Variants in ARHGEF18 observed in about 807,000 individuals in gnomAD.
ARHGEF18 encodes Rho/Rac guanine nucleotide exchange factor 18, also known as rho guanine nucleotide exchange factor 18.
Under a neutral mutation model 155.7 loss-of-function variants are expected in ARHGEF18, and 93 were observed. The ratio of observed to expected loss-of-function variants is 0.60; its 90% CI spans 0.50 to 0.71. ARHGEF18 has a LOEUF of 0.71. Among genes scored for constraint, ARHGEF18 ranks in the 30% least tolerant of loss-of-function variants. The probability of loss-of-function intolerance (pLI) is 0.00; values close to 1 mark genes in which losing one functional copy is unlikely to be tolerated. For synonymous variants in ARHGEF18, 742 were observed against 753.1 expected, an observed-to-expected ratio of 0.99 and a Z score of 0.24; for missense variants, 1,593 against 1,816.1, an observed-to-expected ratio of 0.88 and a Z score of 2.23.
chr19:7,408,220 G>T (rs1057297856), intron 10 of ARHGEF18, among the ~76,000 whole-genome samples: 3 of 152,116 alleles, frequency 2.0e-5, no homozygotes, highest in Non-Finnish European at 4.4e-5. Flanking sequence ...TGAAGTTGCA[G>T]TGAGCCGAAA....
At chr19:7,376,398 T>C (rs932958105) in intron 4 of ARHGEF18, among the ~76,000 whole-genome samples, 2 of 152,224 alleles carry the variant, frequency 1.3e-5, no homozygotes, top group Non-Finnish European at 1.5e-5. Context: ...GTGGCTCTGA[T>C]ACCTGGGGCT....
chr19:7,414,524 A>C (rs908722823), intron 10 of ARHGEF18, among the ~76,000 whole-genome samples: 1 of 151,940 alleles, frequency 6.6e-6, no homozygotes, highest in African/African-American at 2.4e-5. Flanking sequence ...AAAATACAAA[A>C]ATTAGGCTGG....
chr19:7,363,276 A>G (rs565738250), intron 2 of ARHGEF18, among the ~76,000 whole-genome samples: 1 of 152,130 alleles, frequency 6.6e-6, no homozygotes, highest in Non-Finnish European at 1.5e-5. Flanking sequence ...GGATGAATGG[A>G]TGACGGATGA....
Position 7,464,713 on chromosome 19 carries a change from G to A in ARHGEF18, c.2904+23G>A, listed in dbSNP as rs763556587. The stretch of plus-strand genomic sequence containing the variant: ...GTGGTACGTGGATATCCATTTGCTC[G>A]GTACAGTCTGAGTCGTCATAAGGAT... On this transcript the variant is annotated intron_variant, in intron 23 of 28. Transcript: ENST00000668164. The A allele has an allele frequency of 1.5e-5, 25 of 1,613,142 alleles. No homozygotes were observed. In the South Asian group the frequency reaches 1.9e-4, roughly 12 times the overall value.
chr19:7,392,107 G>A (rs1971435051), intron 10 of ARHGEF18, among the ~76,000 whole-genome samples: 1 of 151,696 alleles, frequency 6.6e-6, no homozygotes, highest in Admixed American at 6.6e-5. Flanking sequence ...CAGATGTAGT[G>A]GCGGGTGCCT....
intron 10 of ARHGEF18, among the ~76,000 whole-genome samples, chr19:7,431,171 A>C (rs1818448767): frequency 6.6e-6 from 1 of 151,928 alleles, no homozygotes; most frequent in Non-Finnish European, 1.5e-5. Flanking sequence ...AAAAAGATAA[A>C]ATAACAGTAG....
intron 10 of ARHGEF18, among the ~76,000 whole-genome samples, chr19:7,406,061 C>T (rs996503558): frequency 1.3e-5 from 2 of 152,048 alleles, no homozygotes; most frequent in African/African-American, 4.8e-5. Flanking sequence ...AGGAGGTCTT[C>T]AGGAGAACAC....
At chr19:7,375,599 G>A (rs1460036604) in intron 3 of ARHGEF18, 121 bp from the exon 4 acceptor site, 19 of 1,027,310 alleles carry the variant, frequency 1.8e-5, no homozygotes, top group African/African-American at 5.0e-5. Flanking sequence ...TGTGGCTTGC[G>A]CACCCTTCCT....
At chr19:7,461,843 G>GAGT (rs1976285512) in intron 20 of ARHGEF18, among the ~76,000 whole-genome samples, 1 of 152,168 alleles carries the variant, frequency 6.6e-6, no homozygotes, top group African/African-American at 2.4e-5. Context: ...TGTAGAGACA[G>GAGT]AGTCTCATTA....
At position 7,395,058 on chromosome 19, in the gene ARHGEF18, C is replaced by G. The variant is rs945219073; in HGVS notation, c.967+11855C>G. The G allele has an allele frequency of 2.8e-5, 28 of 985,330 alleles. No homozygotes were observed. The highest frequency in any genetic ancestry group is 3.4e-5 in the Non-Finnish European group (28 of 829,938). The allele number at this position is 985,330 out of a possible 1,614,324, so 61.0% of individuals were successfully genotyped here. On this transcript the variant is annotated intron_variant, in intron 10 of 28. Coordinates refer to ENST00000668164, the MANE Select transcript of ARHGEF18 (RefSeq NM_001367823.1). This position sits in a 1 kb window ranked among gnomAD's most constrained non-coding sequence, Gnocchi z 5.0. ...CCCGCCCTCGAGGGCACGCCTCCTT[C>G]CGGGTCACGCCCTCTGCCCCGCCTC...
intron 12 of ARHGEF18, 43 bp from the exon 13 acceptor site, chr19:7,441,869 A>G (rs2287910): frequency 0.37 from 599,019 of 1,612,466 alleles, 115,665 homozygotes; most frequent in East Asian, 0.58. Flanking sequence ...TTGGGGTGGC[A>G]TGGCTCTGGG....
At position 7,440,095 on chromosome 19, in the gene ARHGEF18, G is replaced by C; in HGVS notation, c.968-249G>C. On this transcript the variant is annotated intron_variant, in intron 10 of 28. Coordinates refer to ENST00000668164, the MANE Select transcript of ARHGEF18 (RefSeq NM_001367823.1). The surrounding 1 kb of genome is among the most constrained non-coding windows in gnomAD (Gnocchi z 5.4). The stretch of plus-strand genomic sequence containing the variant: ...GCCGCGCCGGGTCCCGGAGCCCCGG[G>C]CGCGAACATGGGGAATGCGCACTCC... 1 of 1,550,540 alleles carries C rather than the reference G, an allele frequency of 6.4e-7. No individual in the cohort carries two copies. The highest frequency in any genetic ancestry group is 8.7e-7 in the Non-Finnish European group (1 of 1,146,572).
intron 1 of ARHGEF18, among the ~76,000 whole-genome samples, chr19:7,359,567 A>T (rs910767599): frequency 5.3e-5 from 8 of 152,060 alleles, no homozygotes; most frequent in African/African-American, 1.4e-4. Flanking sequence ...AGGATCAGGG[A>T]TCAATATATG....
At chr19:7,441,600 G>C (rs944130709) in intron 11 of ARHGEF18, 53 bp from the exon 12 acceptor site, 3 of 1,400,040 alleles carry the variant, frequency 2.1e-6, no homozygotes, top group East Asian at 4.6e-5. Context: ...GCATGAGGTC[G>C]TGTGTGTTTA....
chr19:7,386,924 A>T (rs145852722), intron 10 of ARHGEF18, among the ~76,000 whole-genome samples: 50 of 152,096 alleles, frequency 3.3e-4, no homozygotes, highest in Middle Eastern at 3.4e-3. Flanking sequence ...CCTGCCTTCC[A>T]GCTGGGGATT....
At chr19:7,475,482 G>A (rs954250746), downstream of ARHGEF18, among the ~76,000 whole-genome samples, 3 of 151,944 alleles carry the variant, frequency 2.0e-5, no homozygotes, top group Non-Finnish European at 2.9e-5. Flanking sequence ...CCCCTTCTGT[G>A]GATAAATTTT....
At chr19:7,473,099 A>G (rs1977115001), downstream of ARHGEF18, 2 of 456,148 alleles carry the variant, frequency 4.4e-6, no homozygotes, top group African/African-American at 4.0e-5. Context: ...ATAACCGCAA[A>G]GGCTGGAACT....
chr19:7,352,073 A>T (rs1197587343), intron 1 of ARHGEF18, among the ~76,000 whole-genome samples: 1 of 151,716 alleles, frequency 6.6e-6, no homozygotes, highest in Non-Finnish European at 1.5e-5. Flanking sequence ...TTTTTTGGTC[A>T]TGAGGTTCTG....
chr19:7,440,234 C>G lies in ARHGEF18; in HGVS notation c.968-110C>G, dbSNP rs1273982151. On this transcript the variant is annotated intron_variant, in intron 10 of 28. Coordinates refer to ENST00000668164, the MANE Select transcript of ARHGEF18 (RefSeq NM_001367823.1). The surrounding 1 kb of genome is among the most constrained non-coding windows in gnomAD (Gnocchi z 5.4). ...TCTTGGATAACGAGCTGCTGACCTCCAAGATCCTGTCTGTGCTGCGGCCGC... is the reference window on the plus strand; with the variant it reads ...TCTTGGATAACGAGCTGCTGACCTCGAAGATCCTGTCTGTGCTGCGGCCGC... 2 of 1,552,248 alleles carry G rather than the reference C, an allele frequency of 1.3e-6. No individual in the cohort carries two copies. The highest frequency in any genetic ancestry group is 2.4e-5 in the South Asian group (2 of 84,218).
Sources: allele counts gnomAD v4.1 joint callset (sites outside exome capture counted in the v4.1 genomes callset), GRCh38; gene constraint gnomAD v4.1.1; non-coding constraint Gnocchi (gnomAD v3.1); transcripts MANE v1.5; gene names NCBI Gene and HGNC (gene_info 2026-07-23, HGNC 2026-07-21).